Variants in DNAH11 observed in about 807,000 individuals in gnomAD.
DNAH11 encodes the protein dynein axonemal heavy chain 11.
A neutral mutation model predicts 526.0 loss-of-function variants in DNAH11; 442 were observed. The ratio of observed to expected loss-of-function variants is 0.84; its 90% CI spans 0.78 to 0.91. The LOEUF (loss-of-function observed/expected upper bound fraction) is 0.91. Ranked by LOEUF, DNAH11 falls within the 40% of genes least tolerant of loss-of-function variation. The pLI is 0.00. For missense variants in DNAH11, 6,989 were observed against 5,448.7 expected (o/e 1.28, Z -8.90); for synonymous variants, 2,461 against 1,935.9 (o/e 1.27, Z -7.12).
At chr7:21,793,704 G>A (rs1348864350) in intron 61 of DNAH11, among the ~76,000 whole-genome samples, 1 of 151,962 alleles carries the variant, frequency 6.6e-6, no homozygotes, top group African/African-American at 2.4e-5. Context: ...CTAGTGTTTA[G>A]TTTATCATTA....
Position 21,704,494 on chromosome 7 carries a change from G to A in DNAH11, c.6334G>A (p.Val2112Met), listed in dbSNP as rs753307020. ...CAAAATAGTGACTGACGACATCCCA[G>A]TGTTTCTGGGCCTGGTCGGTGACCT... ...MPKIVTDDIP[V>M]FLGLVGDLFP... is the part of the protein sequence containing the mutation. The change falls in exon 38 of 82, where the codon GTG becomes ATG. Residue 2112 changes from valine (V) to methionine (M), a missense_variant. Val to Met is a conservative substitution (Grantham distance 21). Transcript: ENST00000409508. 1 of 1,613,852 alleles carries A rather than the reference G, an allele frequency of 6.2e-7. No individual in the cohort carries two copies. The highest frequency in any genetic ancestry group is 2.2e-5 in the East Asian group (1 of 44,872).
intron 61 of DNAH11, among the ~76,000 whole-genome samples, chr7:21,800,394 G>A (rs761916373): frequency 6.6e-6 from 1 of 152,192 alleles, no homozygotes; most frequent in African/African-American, 2.4e-5. Flanking sequence ...CACTTGGGGA[G>A]GCCAAGGTGG....
intron 65 of DNAH11, among the ~76,000 whole-genome samples, chr7:21,823,239 G>T (rs746958392): frequency 1.3e-5 from 2 of 151,988 alleles, no homozygotes; most frequent in Non-Finnish European, 2.9e-5. Context: ...TTTTGATAGG[G>T]TTTTTATGAG....
intron 9 of DNAH11, among the ~76,000 whole-genome samples, chr7:21,584,517 T>A (rs937713584): frequency 6.6e-6 from 1 of 152,128 alleles, no homozygotes; most frequent in Non-Finnish European, 1.5e-5. Context: ...GCATGGCACA[T>A]GTATACCTAT....
At chr7:21,830,236 T>C (rs1583747555) in intron 65 of DNAH11, among the ~76,000 whole-genome samples, 1 of 151,982 alleles carries the variant, frequency 6.6e-6, no homozygotes, top group South Asian at 2.1e-4. Context: ...AGCTAAACAG[T>C]AGAAAACTTT....
intron 68 of DNAH11, among the ~76,000 whole-genome samples, chr7:21,857,680 C>T (rs929755606): frequency 7.9e-5 from 12 of 152,128 alleles, no homozygotes; most frequent in Admixed American, 7.9e-4. Context: ...CCCACAAATG[C>T]ATGGTCAATT....
chr7:21,704,628 A>G lies in DNAH11; in HGVS notation c.6468A>G (p.Lys2156=). 1 of 1,587,226 alleles carries G rather than the reference A, an allele frequency of 6.3e-7. No individual in the cohort carries two copies. The highest frequency in any genetic ancestry group is 8.5e-7 in the Non-Finnish European group (1 of 1,172,862). ...AGCCTGAAGAGAGCTTCATCCTCAA[A>G]GTAAAAGGAGCATTTGCTTTTCATG... The part of the protein sequence containing the change: ...RLQPEESFIL[K]VVQLEELLAV... Residue 2156 remains lysine (K), a splice_region_variant and synonymous_variant, in exon 38 of 82, where the codon AAA becomes AAG. Transcript: ENST00000409508.
At chr7:21,784,980 G>T (rs1788110786) in intron 58 of DNAH11, among the ~76,000 whole-genome samples, 1 of 152,170 alleles carries the variant, frequency 6.6e-6, no homozygotes, top group Non-Finnish European at 1.5e-5. Context: ...ACCTAGGTTT[G>T]GTCCCCACCA....
intron 28 of DNAH11, among the ~76,000 whole-genome samples, chr7:21,646,136 A>C (rs1448473619): frequency 1.3e-5 from 2 of 152,210 alleles, no homozygotes; most frequent in East Asian, 3.8e-4. Flanking sequence ...TACTTAGTTC[A>C]CAAAAAAAAG....
rs541590107 is a variant in DNAH11 at position 21,613,076 on chromosome 7, A to G, written c.3853-2038A>G. Among the ~76,000 whole-genome samples, 6 of 152,310 alleles carry G rather than the reference A, an allele frequency of 3.9e-5. No homozygotes were observed. The South Asian group carries it at 1.2e-3, about 32-fold the overall frequency. ...CAGAAGCATTAGTAATAAGGGTGAA[A>G]CATAGGAAAAGACAAAATGACTATC... On this transcript the variant is annotated intron_variant, in intron 20 of 81. Transcript: ENST00000409508.
intron 61 of DNAH11, among the ~76,000 whole-genome samples, chr7:21,790,482 G>A (rs1177913782): frequency 3.3e-5 from 5 of 152,098 alleles, no homozygotes; most frequent in Non-Finnish European, 7.4e-5. Context: ...TATTTTCAAT[G>A]AATATTGTAT....
intron 9 of DNAH11, among the ~76,000 whole-genome samples, chr7:21,586,917 A>G (rs1249289242): frequency 6.6e-6 from 1 of 152,214 alleles, no homozygotes; most frequent in African/African-American, 2.4e-5. Context: ...CCCGAATGCT[A>G]GACTGCCTGG....
In DNAH11 at chr7:21,543,220, C is replaced by T. The variant is rs1261361001; in HGVS notation, c.-26C>T. The T allele has an allele frequency of 2.0e-6, 3 of 1,495,296 alleles. No homozygotes were observed. Among genetic ancestry groups the T allele is most frequent in the Non-Finnish European group, 2.7e-6 (3 of 1,125,036 alleles). The allele number at this position is 1,495,296 out of a possible 1,614,324, so 92.6% of individuals were successfully genotyped here. A position where few individuals can be genotyped will look rare whatever the true frequency, so the allele number is the denominator to read the frequency against. On this transcript the variant is annotated 5_prime_UTR_variant, in exon 1 of 82. Coordinates refer to ENST00000409508, the MANE Select transcript of DNAH11 (RefSeq NM_001277115.2). ...AGTCTCGGGTGAGGAGCCAGCCGGC[C>T]TCGCGTTCCCTCGGACGGTTGCCCA...
At chr7:21,595,221 C>A (rs921811036) in intron 14 of DNAH11, among the ~76,000 whole-genome samples, 2 of 152,162 alleles carry the variant, frequency 1.3e-5, no homozygotes, top group Non-Finnish European at 2.9e-5. Flanking sequence ...AGGAAGTTCC[C>A]CTGGGCCTGT....
intron 34 of DNAH11, among the ~76,000 whole-genome samples, chr7:21,690,360 A>G (rs1244763098): frequency 6.6e-6 from 1 of 152,026 alleles, no homozygotes; most frequent in Admixed American, 6.5e-5. Flanking sequence ...AAAACTTAAG[A>G]CTGAGCAGGA....
intron 64 of DNAH11, 37 bp from the exon 65 acceptor site, chr7:21,818,180 T>C (rs1441997369): frequency 6.3e-7 from 1 of 1,590,060 alleles, no homozygotes; most frequent in South Asian, 1.2e-5. Context: ...TTGTGCCAAT[T>C]TACATTTTAT....
rs1384577805 is a variant in DNAH11, at chr7:21,808,065, T to C, written c.10332+16T>C. ...TCAACAGAAGGTAAGTTCAGTTCCT[T>C]ACCTTGTCAGCAGGTAGAAAGATCA... On this transcript the variant is annotated intron_variant, in intron 63 of 81. Transcript: ENST00000409508. The C allele has an allele frequency of 7.0e-7, 1 of 1,436,770 alleles. No homozygotes were observed. Among genetic ancestry groups the C allele is most frequent in the East Asian group, 2.5e-5 (1 of 40,560 alleles). The allele number at this position is 1,436,770 out of a possible 1,614,324, so 89.0% of individuals were successfully genotyped here. A position where few individuals can be genotyped will look rare whatever the true frequency, so the allele number is the denominator to read the frequency against.
chr7:21,826,544 T>G (rs749280620), intron 65 of DNAH11, among the ~76,000 whole-genome samples: 1 of 152,212 alleles, frequency 6.6e-6, no homozygotes, highest in Admixed American at 6.5e-5. Flanking sequence ...AATTTTATAA[T>G]GGATCTTCCT....
chr7:21,640,490 TGTG>T (rs1328697044), intron 28 of DNAH11, among the ~76,000 whole-genome samples: 1 of 152,150 alleles, frequency 6.6e-6, no homozygotes, highest in Non-Finnish European at 1.5e-5. Context: ...TACATAAATC[TGTG>T]AGTAGGTAAG....
Sources: gnomAD v4.1 joint callset for allele counts (sites outside exome capture counted in the v4.1 genomes callset) on GRCh38, gnomAD v4.1.1 for gene constraint, MANE v1.5 for transcripts, NCBI Gene and HGNC (gene_info 2026-07-23, HGNC 2026-07-21) for gene names.